CREBBP: variants seen among roughly 807,000 people sequenced by gnomAD.
CREBBP encodes CREB binding lysine acetyltransferase, also known as CREB-binding protein.
CREBBP carries 19 observed loss-of-function variants against 265.0 expected under a neutral mutation model. That is an observed-to-expected ratio of 0.07 (90% CI 0.05 to 0.11). The LOEUF is 0.11. Ranked by LOEUF, CREBBP falls within the 10% of genes least tolerant of loss-of-function variation. CREBBP has a pLI of 1.00. For synonymous variants in CREBBP, 1,457 were observed against 1,223.7 expected (o/e 1.19, Z -3.98); for missense variants, 2,525 against 3,219.0 (o/e 0.78, Z 5.22).
intron 24 of CREBBP, 108 bp downstream of exon 24, chr16:3,740,291 A>G: frequency 1.4e-6 from 2 of 1,407,244 alleles, no homozygotes; most frequent in Non-Finnish European, 1.0e-6. Flanking sequence ...TCGCTGCTGC[A>G]AAGTCTTGGA....
At chr16:3,829,452 G>A (rs2054299533) in intron 2 of CREBBP, among the ~76,000 whole-genome samples, 1 of 152,198 alleles carries the variant, frequency 6.6e-6, no homozygotes, top group Non-Finnish European at 1.5e-5. Flanking sequence ...AGGGCTTACT[G>A]GAGCTGTAAC....
At chr16:3,756,762 G>A (rs1323713517) in intron 19 of CREBBP, among the ~76,000 whole-genome samples, 1 of 152,160 alleles carries the variant, frequency 6.6e-6, no homozygotes, top group African/African-American at 2.4e-5. Flanking sequence ...ATATTTGCAG[G>A]TAGAATAGTA....
rs772020678 is a variant in CREBBP at position 3,728,414 on chromosome 16, T to C, written c.6633A>G (p.Gln2211=). 17 of 1,613,212 alleles carry C rather than the reference T, an allele frequency of 1.1e-5. No individual in the cohort carries two copies. Among genetic ancestry groups the C allele is most frequent in the East Asian group, 4.5e-5 (2 of 44,840 alleles). The change falls in exon 31 of 31, where the codon CAA becomes CAG. Residue 2211 remains glutamine, a synonymous_variant. Transcript: ENST00000262367. This position sits in a 1 kb window ranked among gnomAD's most constrained non-coding sequence, Gnocchi z 8.7. ...QQQQQQQQQQ[Q]QQQQQGSAGM... Reference sequence around the variant, plus strand: ...CGGCACTCCCTTGCTGCTGCTGCTGTTGCTGCTGTTGTTGCTGCTGCTGTT... The same window carrying C: ...CGGCACTCCCTTGCTGCTGCTGCTGCTGCTGCTGTTGTTGCTGCTGCTGTT...
intron 16 of CREBBP, among the ~76,000 whole-genome samples, chr16:3,764,462 G>A (rs1342680767): frequency 6.6e-6 from 1 of 151,810 alleles, no homozygotes; most frequent in South Asian, 2.1e-4. Flanking sequence ...GTTTTGTAGA[G>A]ACAGGGTCTC....
At chr16:3,777,866 G>A in intron 10 of CREBBP, 145 bp downstream of exon 10, 2 of 1,126,536 alleles carry the variant, frequency 1.8e-6, no homozygotes, top group Non-Finnish European at 2.7e-6. Context: ...GCCTGAGGCA[G>A]GTGGTCAGGG....
chr16:3,736,844 G>A (rs200723444), intron 26 of CREBBP, 29 bp from the exon 27 acceptor site: 81 of 1,613,656 alleles, frequency 5.0e-5, no homozygotes, highest in Middle Eastern at 3.4e-4. Flanking sequence ...CACGTCAGAT[G>A]AACGTGCCAG....
At chr16:3,810,562 C>T (rs989444494) in intron 3 of CREBBP, 41 bp downstream of exon 3, 1 of 1,606,814 alleles carries the variant, frequency 6.2e-7, no homozygotes, top group Non-Finnish European at 8.5e-7. Flanking sequence ...ACCACAGCAC[C>T]CACCGGAGAG....
chr16:3,843,064 C>A (rs2054597240), intron 2 of CREBBP, among the ~76,000 whole-genome samples: 1 of 150,482 alleles, frequency 6.6e-6, no homozygotes, highest in Non-Finnish European at 1.5e-5. Context: ...TTTTGCACAG[C>A]TTTAAGTTAA....
chr16:3,738,303 C>A (rs2052119545), intron 26 of CREBBP, among the ~76,000 whole-genome samples: 2 of 147,076 alleles, frequency 1.4e-5, no homozygotes, highest in African/African-American at 2.6e-5. Context: ...TAAACTTTGC[C>A]TCAATAAAGT....
chr16:3,773,928 C>G lies in CREBBP; in HGVS notation c.2286G>C (p.Met762Ile), dbSNP rs2141217113. ...GAGGCATTCGGGAAGGAGAAATGGC[C>G]ATCTACGAGACAACAAGCACCACCA... is the stretch of plus-strand genomic sequence containing the variant. ...QMNSMGSVPG[M>I]AISPSRMPQP... Residue 762 changes from methionine (M) to isoleucine (I), a missense_variant and splice_region_variant, in exon 13 of 31, where the codon ATG (methionine) becomes ATC (isoleucine). Met to Ile is a conservative substitution (Grantham distance 10). Transcript: ENST00000262367. 1 of 1,612,182 alleles carries G rather than the reference C, an allele frequency of 6.2e-7. No homozygotes were observed. The highest frequency in any genetic ancestry group is 8.5e-7 in the Non-Finnish European group (1 of 1,180,030).
At chr16:3,786,629 G>A (rs542707600) in intron 5 of CREBBP, among the ~76,000 whole-genome samples, 4 of 152,298 alleles carry the variant, frequency 2.6e-5, no homozygotes, top group South Asian at 2.1e-4. Context: ...GTCACCCAAC[G>A]CAGGCCAGAA....
intron 17 of CREBBP, 36 bp from the exon 18 acceptor site, chr16:3,758,084 C>A (rs1440716134): frequency 6.2e-7 from 1 of 1,608,484 alleles, no homozygotes; most frequent in African/African-American, 1.3e-5. Flanking sequence ...TATAGGGAAT[C>A]CCCCAATATC....
rs376118322 is a variant in CREBBP at position 3,731,769 on chromosome 16, C to G, written c.4890+7G>C. 9.9e-6 allele frequency: 16 copies of G among 1,614,118 alleles called. No homozygotes were observed. The highest frequency in any genetic ancestry group is 1.4e-5 in the Non-Finnish European group (16 of 1,180,054). On this transcript the variant is annotated splice_region_variant and intron_variant, in intron 29 of 30. Transcript: ENST00000262367. The surrounding 1 kb of genome is among the most constrained non-coding windows in gnomAD (Gnocchi z 7.7). ...GGCACGGCTGCAGCACCGCAGCCCACGCCTACCTCCTTGTGCTTCTCCATG... is the reference window on the plus strand; with the variant it reads ...GGCACGGCTGCAGCACCGCAGCCCAGGCCTACCTCCTTGTGCTTCTCCATG...
At chr16:3,805,258 C>T (rs180714746) in intron 3 of CREBBP, among the ~76,000 whole-genome samples, 57 of 152,314 alleles carry the variant, frequency 3.7e-4, no homozygotes, top group African/African-American at 1.4e-3. Context: ...CAAGGGCTTA[C>T]TTCCAAACCT....
chr16:3,826,734 C>T (rs763493862), intron 2 of CREBBP, among the ~76,000 whole-genome samples: 2 of 152,040 alleles, frequency 1.3e-5, no homozygotes, highest in Non-Finnish European at 2.9e-5. Flanking sequence ...AATCAAGAGG[C>T]GCCTAAGGAG....
chr16:3,802,032 T>G (rs530663402), intron 3 of CREBBP, among the ~76,000 whole-genome samples: 118 of 151,848 alleles, frequency 7.8e-4, no homozygotes, highest in African/African-American at 2.7e-3. Flanking sequence ...ATTACATAAT[T>G]GGCAGCCTCA....
intron 2 of CREBBP, among the ~76,000 whole-genome samples, chr16:3,844,597 A>G (rs1241586867): frequency 1.3e-5 from 2 of 152,228 alleles, no homozygotes; most frequent in East Asian, 3.8e-4. Context: ...TTTAAGTAGG[A>G]TACGAGACAG....
At chr16:3,786,680 G>A (rs2053395853) in intron 5 of CREBBP, among the ~76,000 whole-genome samples, 1 of 152,184 alleles carries the variant, frequency 6.6e-6, no homozygotes, top group Non-Finnish European at 1.5e-5. Context: ...TATGGGGAAG[G>A]CCAGCTGTAG....
rs1254641287 is a variant in CREBBP at position 3,819,318 on chromosome 16, C to CT, written c.799-8540dup. On this transcript the variant is annotated intron_variant, in intron 2 of 30. Transcript: ENST00000262367. ...TAAAATGGAGATCACAGCACCTCCT[C>CT]TAAGGGTTGCGTGAGAACTAAACAA... is the stretch of plus-strand genomic sequence containing the variant. 3.3e-5 allele frequency among the ~76,000 whole-genome samples: 5 copies of CT among 152,328 alleles called. No homozygotes were observed. The South Asian group carries it at 6.2e-4, about 19-fold the overall frequency.
Sources: gnomAD v4.1 joint callset for allele counts (sites outside exome capture counted in the v4.1 genomes callset) on GRCh38, gnomAD v4.1.1 for gene constraint, Gnocchi (gnomAD v3.1) non-coding constraint, MANE v1.5 for transcripts, NCBI Gene and HGNC (gene_info 2026-07-23, HGNC 2026-07-21) for gene names.